Variants in DNAH6 observed in about 807,000 individuals in gnomAD.
DNAH6 encodes the protein dynein axonemal heavy chain 6.
Under a neutral mutation model 491.4 loss-of-function variants are expected in DNAH6, and 340 were observed. The ratio of observed to expected loss-of-function variants is 0.69; its 90% CI spans 0.63 to 0.76. The LOEUF is 0.76. Among genes scored for constraint, DNAH6 ranks in the 30% least tolerant of loss-of-function variants. The pLI, the probability that DNAH6 is intolerant of heterozygous loss-of-function variation, is 0.00. For synonymous variants in DNAH6, 1,603 were observed against 1,686.1 expected (o/e 0.95, Z 1.21); for missense variants, 4,443 against 4,972.2 (o/e 0.89, Z 3.20).
chr2:84,768,574 C>G (rs779935322), intron 64 of DNAH6, among the ~76,000 whole-genome samples: 1 of 151,518 alleles, frequency 6.6e-6, no homozygotes, highest in African/African-American at 2.4e-5. Context: ...TATTAAAAAC[C>G]CTCCCACAAT....
chr2:84,598,925 G>A (rs1214673182), intron 18 of DNAH6, among the ~76,000 whole-genome samples: 1 of 151,706 alleles, frequency 6.6e-6, no homozygotes, highest in Non-Finnish European at 1.5e-5. Context: ...GGCTACCTGG[G>A]AGGCTGAGGC....
At chr2:84,701,021 T>C in intron 48 of DNAH6, 76 bp from the exon 49 acceptor site, 1 of 1,480,736 alleles carries the variant, frequency 6.8e-7, no homozygotes, top group Non-Finnish European at 9.1e-7. Context: ...TCCCGAGAAA[T>C]ATGTTTTTCT....
the DNAH6 span, among the ~76,000 whole-genome samples, chr2:84,510,402 T>C: frequency 6.6e-6 from 1 of 152,272 alleles, no homozygotes; most frequent in Non-Finnish European, 1.5e-5. Flanking sequence ...CACGTAGTTC[T>C]CGTGCCTTGG....
Position 84,653,357 on chromosome 2 carries a change from C to T in DNAH6, c.5117C>T (p.Pro1706Leu), listed in dbSNP as rs553105587. Reference protein sequence around the residue: ...ISDLFPGVQIPEHDYGILQST... With the variant: ...ISDLFPGVQILEHDYGILQST... ...GACCTTTTTCCTGGAGTCCAAATTC[C>T]AGAACATGATTATGGTATTTTACAA... Residue 1706 changes from proline (P) to leucine (L), a missense_variant, in exon 34 of 77, where the codon CCA becomes CTA. This residue lies in a region of DNAH6 where 2,977 missense variants were observed against 3,296.6 expected (regional missense o/e 0.90). Coordinates refer to ENST00000389394, the MANE Select transcript of DNAH6 (RefSeq NM_001370.2). 3.2e-6 allele frequency: 5 copies of T among 1,542,738 alleles called. No individual in the cohort carries two copies. In the South Asian group the frequency reaches 4.8e-5, roughly 15 times the overall value.
Position 84,785,615 on chromosome 2 carries a change from C to T in DNAH6, c.10959C>T (p.Thr3653=), listed in dbSNP as rs959838038. 3.9e-6 allele frequency: 6 copies of T among 1,531,566 alleles called. No homozygotes were observed. The Admixed American group carries it at 6.6e-5, about 17-fold the overall frequency. 94.9% of individuals were successfully genotyped at this position (1,531,566 alleles called of 1,614,324 possible). A position where few individuals can be genotyped will look rare whatever the true frequency, so the allele number is the denominator to read the frequency against. Residue 3653 remains threonine, a synonymous_variant, in exon 67 of 77, where the codon ACC becomes ACT. Coordinates refer to ENST00000389394, the MANE Select transcript of DNAH6 (RefSeq NM_001370.2). The part of the protein sequence containing the change: ...VTVLQNSVKV[T]NEPPKGLRAN... Reference sequence around the variant, plus strand: ...TATATTCTATCTAAATCCAGGTGACCAATGAGCCTCCAAAAGGCTTACGTG... The same window carrying T: ...TATATTCTATCTAAATCCAGGTGACTAATGAGCCTCCAAAAGGCTTACGTG...
chr2:84,497,172 T>C, the DNAH6 span, among the ~76,000 whole-genome samples: 1 of 152,142 alleles, frequency 6.6e-6, no homozygotes, highest in Non-Finnish European at 1.5e-5. Flanking sequence ...AGTTTCACCA[T>C]GTTGGCCAGA....
chr2:84,642,126 A>C (rs1689474565), intron 33 of DNAH6, 72 bp downstream of exon 33: 2 of 1,018,348 alleles, frequency 2.0e-6, no homozygotes, highest in Non-Finnish European at 1.4e-6. Flanking sequence ...TTCTTCAATT[A>C]TTTCTTTCTC....
At chr2:84,786,292 G>T (rs1448965450) in intron 67 of DNAH6, among the ~76,000 whole-genome samples, 1 of 152,034 alleles carries the variant, frequency 6.6e-6, no homozygotes, top group East Asian at 1.9e-4. Context: ...CAGGCATGGT[G>T]GCACACACCT....
the DNAH6 span, among the ~76,000 whole-genome samples, chr2:84,473,318 C>A: frequency 1.3e-5 from 2 of 152,196 alleles, no homozygotes; most frequent in South Asian, 4.1e-4. Flanking sequence ...TTGTTGTGCG[C>A]AGTCTTGCTT....
intron 37 of DNAH6, among the ~76,000 whole-genome samples, chr2:84,664,815 G>T (rs1290518205): frequency 6.6e-6 from 1 of 152,066 alleles, no homozygotes; most frequent in African/African-American, 2.4e-5. Flanking sequence ...GCACCACATC[G>T]CACTTATTCC....
At position 84,727,820 on chromosome 2, in the gene DNAH6, G is replaced by C. The variant is rs1428965658; in HGVS notation, c.10124G>C (p.Cys3375Ser). 1 of 1,552,070 alleles carries C rather than the reference G, an allele frequency of 6.4e-7. No individual in the cohort carries two copies. The highest frequency in any genetic ancestry group is 8.7e-7 in the Non-Finnish European group (1 of 1,147,014). Residue 3375 changes from cysteine (C) to serine (S), a missense_variant, in exon 61 of 77, where the codon TGT becomes TCT. Cys to Ser is a moderately radical substitution (Grantham distance 112). This residue lies in a region of DNAH6 where 1,463 missense variants were observed against 1,656.6 expected (regional missense o/e 0.88). Transcript: ENST00000389394. ...QHKLIYSFML[C>S]VEMMRQQGTL... ...AAACTCATCTACAGCTTTATGCTTT[G>C]TGTTGAGATGATGCGTCAGCAAGGA...
intron 11 of DNAH6, among the ~76,000 whole-genome samples, chr2:84,564,658 T>A (rs572723526): frequency 6.6e-6 from 1 of 152,154 alleles, no homozygotes; most frequent in Non-Finnish European, 1.5e-5. Flanking sequence ...ATTTCTTCCC[T>A]TCCTATTTGT....
rs574881471 is a variant in DNAH6, at chr2:84,812,426, A to G, written c.11825A>G (p.Asn3942Ser). Residue 3942 changes from asparagine to serine, a missense_variant, in exon 73 of 77, where the codon AAC (asparagine) becomes AGC (serine). Asn to Ser is a conservative substitution (Grantham distance 46). Around this residue, in one of 3 missense-constraint regions of DNAH6, gnomAD observed 1,463 missense variants for 1,656.6 expected, o/e 0.88. Transcript: ENST00000389394. The stretch of plus-strand genomic sequence containing the variant: ...GAAAAAGTGTATAACAGTTTCCTCA[A>G]CAACCAGGTTCCCGCTCTGTGGTCC... Reference protein sequence around the residue: ...EMEKVYNSFLNNQVPALWSNT... With the variant: ...EMEKVYNSFLSNQVPALWSNT... 54 of 1,551,804 alleles carry G rather than the reference A, an allele frequency of 3.5e-5. No individual in the cohort carries two copies. The South Asian group carries it at 4.4e-4, about 13-fold the overall frequency.
At chr2:84,709,311 C>T (rs1171440419) in intron 54 of DNAH6, 32 bp from the exon 55 acceptor site, 1 of 1,549,332 alleles carries the variant, frequency 6.5e-7, no homozygotes, top group East Asian at 2.4e-5. Context: ...GTGTTCCTGA[C>T]TCTACTCAAG....
chr2:84,551,811 G>A (rs1679396070), intron 9 of DNAH6, among the ~76,000 whole-genome samples: 1 of 152,188 alleles, frequency 6.6e-6, no homozygotes, highest in African/African-American at 2.4e-5. Context: ...ACTTTGGGAG[G>A]CCAAGGCGGG....
At chr2:84,812,076 C>T (rs558526637) in intron 72 of DNAH6, among the ~76,000 whole-genome samples, 2 of 152,206 alleles carry the variant, frequency 1.3e-5, no homozygotes, top group Non-Finnish European at 2.9e-5. Flanking sequence ...CTTCTCCAGG[C>T]TTCAGGAGAC....
chr2:84,657,728 A>T (rs182700110), intron 35 of DNAH6, among the ~76,000 whole-genome samples: 115 of 152,096 alleles, frequency 7.6e-4, no homozygotes, highest in African/African-American at 2.7e-3. Context: ...CAATTTAGGT[A>T]GATTTTCTAC....
intron 56 of DNAH6, among the ~76,000 whole-genome samples, chr2:84,712,795 C>A (rs1697181858): frequency 6.6e-6 from 1 of 152,138 alleles, no homozygotes; most frequent in Admixed American, 6.5e-5. Context: ...GAAGTCCAAC[C>A]CACAATGACT....
In DNAH6 at chr2:84,539,223, GC is replaced by G. The variant is rs1020651548; in HGVS notation, c.663-5009del. Reference sequence around the variant, plus strand: ...GTTAATCAAACCAGAAATAAAACAAGCATTTCTCTTCCCTGGTTTACATTAG... The same window carrying G: ...GTTAATCAAACCAGAAATAAAACAAGATTTCTCTTCCCTGGTTTACATTAG... On this transcript the variant is annotated intron_variant, in intron 4 of 76. Transcript: ENST00000389394. 1.5e-4 allele frequency among the ~76,000 whole-genome samples: 23 copies of G among 152,146 alleles called. 1 individual carries two copies. Among genetic ancestry groups the G allele is most frequent in the African/African-American group, 5.3e-4 (22 of 41,526 alleles).
Sources: allele counts gnomAD v4.1 joint callset (sites outside exome capture counted in the v4.1 genomes callset), GRCh38; gene constraint gnomAD v4.1.1; regional missense constraint gnomAD v4.1.1; transcripts MANE v1.5; gene names NCBI Gene and HGNC (gene_info 2026-07-23, HGNC 2026-07-21).